The following AUTS2 variants were observed in gnomAD, a reference collection of about 807,000 sequenced individuals.
The protein encoded by AUTS2 is activator of transcription and developmental regulator AUTS2.
A neutral mutation model predicts 112.4 loss-of-function variants in AUTS2; 17 were observed. That is an observed-to-expected ratio of 0.15 (90% CI 0.10 to 0.23). AUTS2 has a LOEUF of 0.23. AUTS2 is among the 10% of genes least tolerant of loss of function. The pLI is 1.00. For synonymous variants in AUTS2, 751 were observed against 702.7 expected, an observed-to-expected ratio of 1.07 and a Z score of -1.09; for missense variants, 1,510 against 1,701.6, an observed-to-expected ratio of 0.89 and a Z score of 1.98.
At chr7:70,275,791 C>T (rs1198970171) in intron 4 of AUTS2, among the ~76,000 whole-genome samples, 1 of 152,146 alleles carries the variant, frequency 6.6e-6, no homozygotes, top group Non-Finnish European at 1.5e-5. Flanking sequence ...CTTCTCTCTC[C>T]TGCCACCTTG....
At chr7:70,668,279 A>G (rs1425664398) in intron 5 of AUTS2, among the ~76,000 whole-genome samples, 1 of 152,152 alleles carries the variant, frequency 6.6e-6, no homozygotes, top group Admixed American at 6.5e-5. Flanking sequence ...GCGCCCAGCC[A>G]GATTCTGCAT....
intron 5 of AUTS2, among the ~76,000 whole-genome samples, chr7:70,518,639 C>T (rs538543854): frequency 4.0e-5 from 6 of 151,110 alleles, no homozygotes; most frequent in South Asian, 2.1e-4. Flanking sequence ...GCCGAGATCG[C>T]GCCACTGCAC....
intron 4 of AUTS2, among the ~76,000 whole-genome samples, chr7:70,351,773 C>T (rs1791779175): frequency 7.3e-6 from 1 of 136,258 alleles, no homozygotes. Context: ...GTGATCTCGG[C>T]TTACTGCAAA....
intron 2 of AUTS2, among the ~76,000 whole-genome samples, chr7:70,010,658 ATAC>A (rs1799760263): frequency 6.6e-6 from 1 of 152,182 alleles, no homozygotes; most frequent in African/African-American, 2.4e-5. Flanking sequence ...TTTGCAGTTG[ATAC>A]TACAGCATTA....
chr7:70,498,331 A>C (rs1798639202), intron 5 of AUTS2, among the ~76,000 whole-genome samples: 1 of 152,188 alleles, frequency 6.6e-6, no homozygotes, highest in Admixed American at 6.5e-5. Context: ...GGCTTCCTGC[A>C]CTTGGGGAGC....
intron 4 of AUTS2, among the ~76,000 whole-genome samples, chr7:70,405,933 C>T (rs1047235296): frequency 1.4e-4 from 22 of 152,164 alleles, no homozygotes; most frequent in African/African-American, 4.6e-4. Context: ...TTGTTTTTCC[C>T]TTGAAGCTTG....
At chr7:70,068,928 A>T (rs1802625260) in intron 2 of AUTS2, among the ~76,000 whole-genome samples, 1 of 152,224 alleles carries the variant, frequency 6.6e-6, no homozygotes. Context: ...ATCCAGAAGG[A>T]TTGATGTAGT....
chr7:70,469,412 C>G (rs1244381868), intron 5 of AUTS2, among the ~76,000 whole-genome samples: 2 of 152,078 alleles, frequency 1.3e-5, no homozygotes, highest in African/African-American at 4.8e-5. Flanking sequence ...GAAAACTATA[C>G]CTGGTATAGG....
intron 4 of AUTS2, among the ~76,000 whole-genome samples, chr7:70,357,013 A>G (rs73440738): frequency 0.017 from 2,616 of 152,296 alleles, 98 homozygotes; most frequent in African/African-American, 0.06. Context: ...TTAAAAAATG[A>G]AGGAGACACA....
Position 69,869,228 on chromosome 7 carries a change from T to C in AUTS2, c.310-30058T>C, listed in dbSNP as rs535558020. On this transcript the variant is annotated intron_variant, in intron 1 of 18. Coordinates refer to ENST00000342771, the MANE Select transcript of AUTS2 (RefSeq NM_015570.4). ...AGAGAGTCAATTCTATCAGTGTTTATTGAGCACCTATAATGTGCATTTTGT... is the reference window on the plus strand; with the variant it reads ...AGAGAGTCAATTCTATCAGTGTTTACTGAGCACCTATAATGTGCATTTTGT... 3.3e-5 allele frequency among the ~76,000 whole-genome samples: 5 copies of C among 152,252 alleles called. No individual in the cohort carries two copies. In the East Asian group the frequency reaches 5.8e-4, roughly 18 times the overall value.
intron 4 of AUTS2, among the ~76,000 whole-genome samples, chr7:70,277,934 G>A (rs1788006928): frequency 7.6e-6 from 1 of 132,084 alleles, no homozygotes; most frequent in Non-Finnish European, 1.6e-5. Flanking sequence ...ATTTGTGTGT[G>A]TGTGTGTGTG....
At chr7:69,708,703 C>G (rs1158142787) in intron 1 of AUTS2, among the ~76,000 whole-genome samples, 1 of 152,104 alleles carries the variant, frequency 6.6e-6, no homozygotes, top group Non-Finnish European at 1.5e-5. Context: ...GTACTTGCTT[C>G]TAGAGAGGGA....
At chr7:70,056,600 TTGG>T (rs1414092549) in intron 2 of AUTS2, among the ~76,000 whole-genome samples, 1 of 152,168 alleles carries the variant, frequency 6.6e-6, no homozygotes, top group East Asian at 1.9e-4. Flanking sequence ...AGAGTAGAGA[TTGG>T]GCAGGCAGTG....
At chr7:70,344,070 G>T (rs1791389368) in intron 4 of AUTS2, among the ~76,000 whole-genome samples, 1 of 152,112 alleles carries the variant, frequency 6.6e-6, no homozygotes, top group South Asian at 2.1e-4. Context: ...GGGTCGTGCA[G>T]GTTCAGGATC....
chr7:69,926,093 T>C (rs1361477567), intron 2 of AUTS2, among the ~76,000 whole-genome samples: 3 of 152,216 alleles, frequency 2.0e-5, no homozygotes, highest in African/African-American at 7.2e-5. Flanking sequence ...TCTTTCTTTG[T>C]AGATGTTCCC....
intron 1 of AUTS2, among the ~76,000 whole-genome samples, chr7:69,858,798 ACT>A (rs1584350607): frequency 6.6e-6 from 1 of 152,000 alleles, no homozygotes; most frequent in Non-Finnish European, 1.5e-5. Flanking sequence ...GGCTTGCCTC[ACT>A]CTTTGGAATC....
At chr7:69,824,704 A>G (rs1183759446) in intron 1 of AUTS2, 2 of 152,176 alleles carry the variant, frequency 1.3e-5, no homozygotes, top group African/African-American at 4.8e-5. Flanking sequence ...CCATGGAAAC[A>G]GAGCAATCAG....
chr7:70,125,409 A>G (rs184807169), intron 3 of AUTS2, among the ~76,000 whole-genome samples: 60 of 152,220 alleles, frequency 3.9e-4, no homozygotes, highest in African/African-American at 1.3e-3. Flanking sequence ...AGGTTTTTCC[A>G]CTGTAGATTG....
intron 5 of AUTS2, among the ~76,000 whole-genome samples, chr7:70,465,130 G>C (rs957616642): frequency 1.3e-5 from 2 of 152,212 alleles, no homozygotes; most frequent in Non-Finnish European, 2.9e-5. Flanking sequence ...CCTCACCTCA[G>C]TTTGGTCCTG....
Sources: allele counts gnomAD v4.1 joint callset (sites outside exome capture counted in the v4.1 genomes callset), GRCh38; gene constraint gnomAD v4.1.1; transcripts MANE v1.5; gene names NCBI Gene and HGNC (gene_info 2026-07-23, HGNC 2026-07-21).